Variants in COL25A1 observed in about 807,000 individuals in gnomAD.
COL25A1 encodes collagen type XXV alpha 1 chain, also known as collagen alpha-1(XXV) chain.
A neutral mutation model predicts 128.4 loss-of-function variants in COL25A1; 103 were observed. The observed-to-expected ratio is 0.80, with a 90% CI of 0.68 to 0.94. COL25A1 has a LOEUF of 0.94. COL25A1 is among the 40% of genes least tolerant of loss of function. COL25A1 has a pLI of 0.00. For synonymous variants in COL25A1, 279 were observed against 277.2 expected, an observed-to-expected ratio of 1.01 and a Z score of -0.06; for missense variants, 745 against 840.0, an observed-to-expected ratio of 0.89 and a Z score of 1.40.
At chr4:108,995,551 T>G (rs1339546053) in intron 6 of COL25A1, among the ~76,000 whole-genome samples, 2 of 152,178 alleles carry the variant, frequency 1.3e-5, no homozygotes, top group African/African-American at 4.8e-5. Context: ...CTCTTCAGGA[T>G]GTTATTCAGG....
chr4:108,831,202 T>C (rs1472309727), intron 32 of COL25A1, among the ~76,000 whole-genome samples: 1 of 151,694 alleles, frequency 6.6e-6, no homozygotes, highest in Non-Finnish European at 1.5e-5. Context: ...TAAATATTAA[T>C]AAAAATATTA....
At chr4:109,028,094 G>A (rs1466659795) in intron 5 of COL25A1, among the ~76,000 whole-genome samples, 2 of 152,136 alleles carry the variant, frequency 1.3e-5, no homozygotes, top group African/African-American at 4.8e-5. Context: ...CAAGTTCTGA[G>A]CCATCAGGCA....
intron 3 of COL25A1, among the ~76,000 whole-genome samples, chr4:109,136,111 T>A (rs1232155855): frequency 6.6e-6 from 1 of 152,066 alleles, no homozygotes; most frequent in Non-Finnish European, 1.5e-5. Context: ...TTTAAAATAA[T>A]AATAGGCCAG....
chr4:109,103,824 A>C (rs2126026179), intron 3 of COL25A1, among the ~76,000 whole-genome samples: 1 of 152,336 alleles, frequency 6.6e-6, no homozygotes, highest in Non-Finnish European at 1.5e-5. Flanking sequence ...ATAACTACAA[A>C]GTATTGACAT....
At chr4:108,924,132 A>T (rs528444818) in intron 11 of COL25A1, among the ~76,000 whole-genome samples, 387 of 152,320 alleles carry the variant, frequency 2.5e-3, no homozygotes, top group Non-Finnish European at 4.1e-3. Flanking sequence ...TAAATTGTAA[A>T]AACTTTTAAT....
intron 5 of COL25A1, among the ~76,000 whole-genome samples, chr4:109,030,038 C>G (rs1409651530): frequency 6.6e-6 from 1 of 152,132 alleles, no homozygotes; most frequent in Non-Finnish European, 1.5e-5. Flanking sequence ...CTCCACACCT[C>G]CTGCTCCTCA....
intron 3 of COL25A1, among the ~76,000 whole-genome samples, chr4:109,083,961 CTTAAA>C (rs1162704245): frequency 6.6e-6 from 1 of 152,054 alleles, no homozygotes; most frequent in Non-Finnish European, 1.5e-5. Flanking sequence ...AGAAAAACAA[CTTAAA>C]TTAAAAGAAA....
At chr4:109,261,962 G>T (rs1487584847) in intron 3 of COL25A1, among the ~76,000 whole-genome samples, 1 of 151,746 alleles carries the variant, frequency 6.6e-6, no homozygotes, top group African/African-American at 2.4e-5. Flanking sequence ...CTCCCAAAGT[G>T]CTGGGATTAC....
intron 8 of COL25A1, among the ~76,000 whole-genome samples, chr4:108,953,874 A>G (rs1032572050): frequency 2.0e-5 from 3 of 152,190 alleles, no homozygotes; most frequent in African/African-American, 7.2e-5. Context: ...CAAACAAAAC[A>G]ACTGTAGGAC....
At chr4:109,165,056 C>T (rs1578332897) in intron 3 of COL25A1, among the ~76,000 whole-genome samples, 2 of 152,144 alleles carry the variant, frequency 1.3e-5, no homozygotes, top group South Asian at 4.1e-4. Context: ...AGAAAAACAA[C>T]ATATGATAAT....
At position 108,835,933 on chromosome 4, in the gene COL25A1, G is replaced by A. The variant is rs186675144; in HGVS notation, c.1657-3500C>T. ...GTTGCCCGGGCTGGAGTGCAGTGGC[G>A]CGATCTCAGTTCACTGCAACCTCTG... On this transcript the variant is annotated intron_variant, in intron 31 of 37. Coordinates refer to ENST00000399132, the MANE Select transcript of COL25A1 (RefSeq NM_198721.4). Among the ~76,000 whole-genome samples, 741 of 118,206 alleles carry A rather than the reference G, an allele frequency of 6.3e-3. 7 individuals carry two copies. Among genetic ancestry groups the A allele is most frequent in the South Asian group, 0.017 (59 of 3,412 alleles). The allele number at this position is 118,206 out of a possible 152,430, so 77.5% of individuals were successfully genotyped here. A position where few individuals can be genotyped will look rare whatever the true frequency, so the allele number is the denominator to read the frequency against.
chr4:109,059,183 C>T (rs1304686031), intron 3 of COL25A1, among the ~76,000 whole-genome samples: 1 of 152,194 alleles, frequency 6.6e-6, no homozygotes, highest in Non-Finnish European at 1.5e-5. Context: ...TTGCACTGGG[C>T]TAAGCACTGT....
chr4:109,032,157 G>A (rs1758926942), intron 5 of COL25A1, among the ~76,000 whole-genome samples: 1 of 152,026 alleles, frequency 6.6e-6, no homozygotes, highest in Admixed American at 6.6e-5. Flanking sequence ...AATGTTGAGT[G>A]ACTTGTCTAA....
chr4:109,059,150 A>G (rs1314655146), intron 3 of COL25A1, among the ~76,000 whole-genome samples: 2 of 152,218 alleles, frequency 1.3e-5, no homozygotes, highest in East Asian at 3.8e-4. Context: ...GATGACTAAT[A>G]TTTATGAGTG....
chr4:109,218,357 G>GTTTTTTTTTTTTTTGTTTTT lies in COL25A1; in HGVS notation c.367+82225_367+82226insAAAAACAAAAAAAAAAAAAA, dbSNP rs1560887047. On this transcript the variant is annotated intron_variant, in intron 3 of 37. Transcript: ENST00000399132. ...CAGAATCAATTGCTGGTTTTTTGGGGTTTTTTTTTTTTTTTTTTTTTTTTT... is the reference window on the plus strand; with the variant it reads ...CAGAATCAATTGCTGGTTTTTTGGGGTTTTTTTTTTTTTTGTTTTTTTTTTTTTTTTTTTTTTTTTTTTTT... Among the ~76,000 whole-genome samples the GTTTTTTTTTTTTTTGTTTTT allele has an allele frequency of 2.7e-3, 201 of 73,450 alleles. 5 individuals are homozygous for GTTTTTTTTTTTTTTGTTTTT. The highest frequency in any genetic ancestry group is 0.017 in the Middle Eastern group (1 of 58). 48.2% of individuals were successfully genotyped at this position (73,450 alleles called of 152,430 possible).
intron 3 of COL25A1, among the ~76,000 whole-genome samples, chr4:109,147,154 T>C (rs946534988): frequency 6.6e-6 from 1 of 152,250 alleles, no homozygotes. Context: ...CTGAGTTTGC[T>C]TCTCAGCTTG....
chr4:108,883,313 C>G (rs540247474), intron 19 of COL25A1, among the ~76,000 whole-genome samples: 1 of 152,056 alleles, frequency 6.6e-6, no homozygotes, highest in East Asian at 1.9e-4. Context: ...CATGAGCCAC[C>G]GTGCCCGGCC....
Position 109,163,084 on chromosome 4 carries a change from C to T in COL25A1, c.368-112905G>A, listed in dbSNP as rs368401782. The stretch of plus-strand genomic sequence containing the variant: ...ATGTTTGTTCAACAACCTTTCACCT[C>T]CCCTGCTTTGCTCCGTTTCCCCCTC... On this transcript the variant is annotated intron_variant, in intron 3 of 37. Coordinates refer to ENST00000399132, the MANE Select transcript of COL25A1 (RefSeq NM_198721.4). Among the ~76,000 whole-genome samples the T allele has an allele frequency of 2.0e-5, 3 of 152,112 alleles. No individual in the cohort carries two copies. The South Asian group carries it at 6.2e-4, about 32-fold the overall frequency.
At chr4:109,086,889 T>A (rs1256396433) in intron 3 of COL25A1, among the ~76,000 whole-genome samples, 1 of 152,160 alleles carries the variant, frequency 6.6e-6, no homozygotes, top group Non-Finnish European at 1.5e-5. Context: ...ATTATCAAAA[T>A]ACCGCAAATA....
Sources: allele counts gnomAD v4.1 joint callset (sites outside exome capture counted in the v4.1 genomes callset), GRCh38; gene constraint gnomAD v4.1.1; transcripts MANE v1.5; gene names NCBI Gene and HGNC (gene_info 2026-07-23, HGNC 2026-07-21).